The following APH1B variants were observed in gnomAD, a reference collection of about 807,000 sequenced individuals.
APH1B encodes the protein gamma-secretase subunit APH-1B.
APH1B carries 27 observed loss-of-function variants against 28.2 expected under a neutral mutation model. That is an observed-to-expected ratio of 0.96 (90% CI 0.70 to 1.32). The LOEUF is 1.32. Ranked by LOEUF, APH1B falls within the 40% of genes most tolerant of loss-of-function variation. The pLI is 0.00. For synonymous variants in APH1B, 141 were observed against 124.6 expected, an observed-to-expected ratio of 1.13 and a Z score of -0.88; for missense variants, 305 against 313.6, an observed-to-expected ratio of 0.97 and a Z score of 0.21.
chr15:63,286,703 CT>C (rs1377554590), intron 3 of APH1B, 75 bp downstream of exon 3: 3 of 1,360,094 alleles, frequency 2.2e-6, no homozygotes, highest in Non-Finnish European at 2.0e-6. Flanking sequence ...TCTTTTGTAT[CT>C]TTGTAGATTT....
In APH1B at chr15:63,287,563, T is replaced by C. The variant is rs1458545794; in HGVS notation, c.478+17T>C. On this transcript the variant is annotated intron_variant, in intron 4 of 5. Transcript: ENST00000261879. ...TTTATTCAGGTATGTGTCTCATAGCTGTCAACATTCAGGCTTCTAGTCTAA... is the reference window on the plus strand; with the variant it reads ...TTTATTCAGGTATGTGTCTCATAGCCGTCAACATTCAGGCTTCTAGTCTAA... 3 of 1,611,822 alleles carry C rather than the reference T, an allele frequency of 1.9e-6. No homozygotes were observed. The highest frequency in any genetic ancestry group is 1.3e-5 in the African/African-American group (1 of 74,806).
intron 2 of APH1B, among the ~76,000 whole-genome samples, chr15:63,283,479 C>G (rs1430429194): frequency 6.6e-6 from 1 of 152,166 alleles, no homozygotes; most frequent in Non-Finnish European, 1.5e-5. Context: ...ACCCGCCCAC[C>G]TCAGCCACCC....
intron 4 of APH1B, among the ~76,000 whole-genome samples, chr15:63,292,598 C>G (rs1047646192): frequency 6.6e-6 from 1 of 151,964 alleles, no homozygotes; most frequent in African/African-American, 2.4e-5. Flanking sequence ...TTATGTTGCC[C>G]GGGCTAGTCC....
intron 5 of APH1B, among the ~76,000 whole-genome samples, chr15:63,303,256 G>T (rs142508963): frequency 6.6e-6 from 1 of 152,060 alleles, no homozygotes; most frequent in South Asian, 2.1e-4. Flanking sequence ...CTCCCTGTTC[G>T]ACCAGTCACT....
chr15:63,293,592 G>A (rs1011802184), intron 4 of APH1B, among the ~76,000 whole-genome samples: 1 of 151,914 alleles, frequency 6.6e-6, no homozygotes, highest in South Asian at 2.1e-4. Context: ...CCGCCTTCCA[G>A]GTTCAAGCGA....
At chr15:63,301,346 C>A (rs527691180) in intron 4 of APH1B, among the ~76,000 whole-genome samples, 34 of 152,274 alleles carry the variant, frequency 2.2e-4, no homozygotes, top group Non-Finnish European at 1.0e-4. Flanking sequence ...TTAATGATTT[C>A]TTATTATGTG....
chr15:63,302,699 A>C (rs1487097134), intron 5 of APH1B, among the ~76,000 whole-genome samples: 1 of 152,160 alleles, frequency 6.6e-6, no homozygotes, highest in Non-Finnish European at 1.5e-5. Context: ...GTTTATTTGC[A>C]GTGATTTGTC....
At chr15:63,290,234 G>T (rs895441382) in intron 4 of APH1B, among the ~76,000 whole-genome samples, 1 of 152,052 alleles carries the variant, frequency 6.6e-6, no homozygotes, top group Non-Finnish European at 1.5e-5. Flanking sequence ...TTACAAACAG[G>T]CATAGTTTAT....
intron 4 of APH1B, among the ~76,000 whole-genome samples, chr15:63,299,565 C>T (rs1298382143): frequency 8.6e-5 from 13 of 151,970 alleles, no homozygotes; most frequent in East Asian, 3.9e-4. Flanking sequence ...CCACCACGCC[C>T]GGCTAATTTT....
chr15:63,294,443 C>T (rs913323893), intron 4 of APH1B, among the ~76,000 whole-genome samples: 1 of 152,194 alleles, frequency 6.6e-6, no homozygotes, highest in Non-Finnish European at 1.5e-5. Context: ...CACTTCTTAC[C>T]AAAGATGTTC....
chr15:63,302,264 C>T lies in APH1B; in HGVS notation c.479-81C>T, dbSNP rs533042030. ...CTCTTGCTGAGGTGTGGTGGACACC[C>T]CGAGAGCCCGTGCACAGTGCCAGGG... On this transcript the variant is annotated intron_variant, in intron 4 of 5. Coordinates refer to ENST00000261879, the MANE Select transcript of APH1B (RefSeq NM_031301.4). The T allele has an allele frequency of 5.8e-5, 88 of 1,524,754 alleles. No homozygotes were observed. In the African/African-American group the frequency reaches 1.1e-3, roughly 19 times the overall value. The allele number at this position is 1,524,754 out of a possible 1,614,324, so 94.5% of individuals were successfully genotyped here. A position where few individuals can be genotyped will look rare whatever the true frequency, so the allele number is the denominator to read the frequency against.
chr15:63,294,652 G>T (rs1274826915), intron 4 of APH1B, among the ~76,000 whole-genome samples: 1 of 152,206 alleles, frequency 6.6e-6, no homozygotes, highest in Non-Finnish European at 1.5e-5. Flanking sequence ...TTGCATAAAT[G>T]TTTGGAAATC....
chr15:63,297,590 A>T (rs1455048695), intron 4 of APH1B, among the ~76,000 whole-genome samples: 1 of 152,158 alleles, frequency 6.6e-6, no homozygotes, highest in Admixed American at 6.5e-5. Context: ...TTACTGAAGG[A>T]CTTTTAGAAT....
rs2038704257 is a variant in APH1B, at chr15:63,307,972, G to T, written c.*2191G>T. On this transcript the variant is annotated 3_prime_UTR_variant, in exon 6 of 6. Coordinates refer to ENST00000261879, the MANE Select transcript of APH1B (RefSeq NM_031301.4). The stretch of plus-strand genomic sequence containing the variant: ...AATTCTGATTTATCGTAAAACATGA[G>T]CCTTTCCAGAGTCAGCTTAGACACT... The T allele has an allele frequency of 6.6e-6, 1 of 152,202 alleles. No individual in the cohort carries two copies. The allele number at this position is 152,202 out of a possible 1,614,324, so 9.4% of individuals were successfully genotyped here.
rs2038706260 is a variant in APH1B at position 63,308,126 on chromosome 15, G to A, written c.*2345G>A. ...ATTTTGCATTTGTTATCTATAATGA[G>A]CTTTCTGAGCCCTGATATTATGTGA... On this transcript the variant is annotated 3_prime_UTR_variant, in exon 6 of 6. Coordinates refer to ENST00000261879, the MANE Select transcript of APH1B (RefSeq NM_031301.4). The A allele has an allele frequency of 6.6e-6, 1 of 151,796 alleles. No individual in the cohort carries two copies. Among genetic ancestry groups the A allele is most frequent in the Non-Finnish European group, 1.5e-5 (1 of 67,984 alleles). 9.4% of individuals were successfully genotyped at this position (151,796 alleles called of 1,614,324 possible).
At position 63,302,425 on chromosome 15, in the gene APH1B, G is replaced by A. The variant is rs200178159; in HGVS notation, c.559G>A (p.Gly187Ser). Residue 187 changes from glycine (G) to serine (S), a missense_variant, in exon 5 of 6, where the codon GGC becomes AGC. By Grantham distance (56) the Gly-to-Ser change is moderately conservative. Coordinates refer to ENST00000261879, the MANE Select transcript of APH1B (RefSeq NM_031301.4). Reference sequence around the variant, plus strand: ...TGATGGCTGTGAGAAGAAAAAGTGGGGCATCCTCCTTATCGTTCTCCTGAC... The same window carrying A: ...TGATGGCTGTGAGAAGAAAAAGTGGAGCATCCTCCTTATCGTTCTCCTGAC... ...FFDGCEKKKW[G>S]ILLIVLLTHL... 1.5e-5 allele frequency: 25 copies of A among 1,613,890 alleles called. No homozygotes were observed. In the African/African-American group the frequency reaches 2.7e-4, roughly 17 times the overall value.
In APH1B at chr15:63,308,757, C is replaced by A. The variant is rs2038712955; in HGVS notation, c.*2976C>A. On this transcript the variant is annotated 3_prime_UTR_variant, in exon 6 of 6. Coordinates refer to ENST00000261879, the MANE Select transcript of APH1B (RefSeq NM_031301.4). ...GTGACGGGCACCAGCGGCCTGATTC[C>A]AGGGAAGAGTTCCTGGAGGGTGTTG... 1 of 152,252 alleles carries A rather than the reference C, an allele frequency of 6.6e-6. No individual in the cohort carries two copies. The highest frequency in any genetic ancestry group is 1.5e-5 in the Non-Finnish European group (1 of 68,060). 9.4% of individuals were successfully genotyped at this position (152,252 alleles called of 1,614,324 possible).
At chr15:63,283,263 C>G (rs2038409152) in intron 2 of APH1B, among the ~76,000 whole-genome samples, 1 of 152,238 alleles carries the variant, frequency 6.6e-6, no homozygotes, top group African/African-American at 2.4e-5. Context: ...CAGTCTCGCT[C>G]TGTCACCCAG....
chr15:63,301,074 C>T (rs1160415453), intron 4 of APH1B, among the ~76,000 whole-genome samples: 2 of 152,212 alleles, frequency 1.3e-5, no homozygotes, highest in African/African-American at 4.8e-5. Context: ...TGTTTAAACA[C>T]GGATTGCTGG....
Sources: allele counts gnomAD v4.1 joint callset (sites outside exome capture counted in the v4.1 genomes callset), GRCh38; gene constraint gnomAD v4.1.1; transcripts MANE v1.5; gene names NCBI Gene and HGNC (gene_info 2026-07-23, HGNC 2026-07-21).